Variants in LRRC4C observed in about 807,000 individuals in gnomAD.
LRRC4C encodes the protein leucine-rich repeat-containing protein 4C.
LRRC4C carries 5 observed loss-of-function variants against 33.6 expected under a neutral mutation model. The ratio of observed to expected loss-of-function variants is 0.15; its 90% CI spans 0.08 to 0.31. The LOEUF (loss-of-function observed/expected upper bound fraction) is 0.31. Among genes scored for constraint, LRRC4C ranks in the 10% least tolerant of loss-of-function variants. The pLI, the probability that LRRC4C is intolerant of heterozygous loss-of-function variation, is 1.00. For synonymous variants in LRRC4C, 329 were observed against 302.0 expected (o/e 1.09, Z -0.93); for missense variants, 560 against 796.7 (o/e 0.70, Z 3.58).
At chr11:41,232,747 G>GAT (rs1555118095) in intron 1 of LRRC4C, among the ~76,000 whole-genome samples, 2 of 143,542 alleles carry the variant, frequency 1.4e-5, no homozygotes, top group Admixed American at 7.1e-5. Context: ...GTGTTATCAA[G>GAT]ACACACACAC....
intron 2 of LRRC4C, among the ~76,000 whole-genome samples, chr11:40,649,175 G>A (rs1392904844): frequency 1.3e-5 from 2 of 152,112 alleles, no homozygotes; most frequent in Non-Finnish European, 2.9e-5. Context: ...GAACTGGTCT[G>A]ACCAAAAATT....
intron 1 of LRRC4C, among the ~76,000 whole-genome samples, chr11:41,396,240 G>A (rs1426969646): frequency 2.0e-5 from 3 of 152,006 alleles, no homozygotes; most frequent in Non-Finnish European, 4.4e-5. Context: ...AAGTAGTAAA[G>A]AGAAAATGAG....
At chr11:40,808,760 G>C (rs1951356464) in intron 2 of LRRC4C, among the ~76,000 whole-genome samples, 1 of 152,028 alleles carries the variant, frequency 6.6e-6, no homozygotes, top group African/African-American at 2.4e-5. Flanking sequence ...AATTTCCAAA[G>C]TCTCTTTCTT....
At chr11:40,268,648 T>G (rs1463257163) in intron 4 of LRRC4C, among the ~76,000 whole-genome samples, 1 of 151,844 alleles carries the variant, frequency 6.6e-6, no homozygotes, top group Admixed American at 6.6e-5. Context: ...ACCGTAGCAC[T>G]GGTAAAAAAA....
intron 3 of LRRC4C, among the ~76,000 whole-genome samples, chr11:40,599,884 G>T (rs574382897): frequency 1.3e-5 from 2 of 152,288 alleles, no homozygotes; most frequent in South Asian, 4.1e-4. Context: ...TGTGGTCCAT[G>T]TCAAATATCC....
chr11:40,659,839 T>G (rs1943334027), intron 2 of LRRC4C, among the ~76,000 whole-genome samples: 1 of 152,204 alleles, frequency 6.6e-6, no homozygotes, highest in Non-Finnish European at 1.5e-5. Context: ...CTCTCCACCT[T>G]GCTCACCCTC....
chr11:40,897,896 G>A (rs1424550277), intron 2 of LRRC4C, among the ~76,000 whole-genome samples: 2 of 152,238 alleles, frequency 1.3e-5, no homozygotes, highest in East Asian at 3.9e-4. Flanking sequence ...ATGCCATACC[G>A]CTCCCGTTGA....
At chr11:40,815,512 G>A (rs890307065) in intron 2 of LRRC4C, among the ~76,000 whole-genome samples, 2 of 152,092 alleles carry the variant, frequency 1.3e-5, no homozygotes, top group Non-Finnish European at 2.9e-5. Context: ...TTTTTACCTT[G>A]CAGGTCTTGG....
intron 1 of LRRC4C, among the ~76,000 whole-genome samples, chr11:41,146,910 A>G (rs1019571846): frequency 3.3e-5 from 5 of 152,240 alleles, no homozygotes; most frequent in Non-Finnish European, 5.9e-5. Context: ...ACTTAAACAC[A>G]TGAAAAATTC....
intron 3 of LRRC4C, among the ~76,000 whole-genome samples, chr11:40,546,748 C>T (rs1956941257): frequency 6.6e-6 from 1 of 152,092 alleles, no homozygotes; most frequent in Non-Finnish European, 1.5e-5. Context: ...TTCACATTCT[C>T]TCCAAATAAT....
chr11:40,127,001 C>T (rs1283303824), intron 6 of LRRC4C, among the ~76,000 whole-genome samples: 1 of 151,786 alleles, frequency 6.6e-6, no homozygotes, highest in Non-Finnish European at 1.5e-5. Flanking sequence ...AATTTGGGGC[C>T]AGGTGTAGTG....
intron 2 of LRRC4C, among the ~76,000 whole-genome samples, chr11:40,709,366 T>A: frequency 6.6e-6 from 1 of 152,190 alleles, no homozygotes; most frequent in Admixed American, 6.5e-5. Context: ...CCATGTTTAG[T>A]GCTTCCTTCA....
At chr11:40,340,287 C>T (rs1946809363) in intron 3 of LRRC4C, among the ~76,000 whole-genome samples, 1 of 152,036 alleles carries the variant, frequency 6.6e-6, no homozygotes, top group Admixed American at 6.6e-5. Context: ...ATGAGAAGTT[C>T]ACCAACAGGC....
chr11:40,981,418 A>G (rs1852529180), intron 1 of LRRC4C, among the ~76,000 whole-genome samples: 1 of 152,136 alleles, frequency 6.6e-6, no homozygotes, highest in African/African-American at 2.4e-5. Context: ...CGTCTCAAAA[A>G]AAAAAAAAAA....
chr11:41,173,113 T>C (rs551240294), intron 1 of LRRC4C, among the ~76,000 whole-genome samples: 24 of 152,288 alleles, frequency 1.6e-4, no homozygotes, highest in African/African-American at 5.8e-4. Flanking sequence ...AATAGTCTCC[T>C]GGACACCATT....
intron 3 of LRRC4C, among the ~76,000 whole-genome samples, chr11:40,403,260 C>T (rs1440576756): frequency 6.6e-6 from 1 of 151,994 alleles, no homozygotes; most frequent in Non-Finnish European, 1.5e-5. Flanking sequence ...AGCCTGTGGC[C>T]CCACAGCAAC....
chr11:40,884,717 A>G (rs1955354554), intron 2 of LRRC4C, among the ~76,000 whole-genome samples: 1 of 152,136 alleles, frequency 6.6e-6, no homozygotes, highest in Admixed American at 6.6e-5. Context: ...ATGATACTAT[A>G]GACTAGATGT....
rs542458760 is a variant in LRRC4C, at chr11:40,556,651, C to G, written c.-270+91491G>C. ...GATGATCTACCAGGCAGTTCTGGCT[C>G]TCTCTGGGGCTGTATCACTCTGCCA... On this transcript the variant is annotated intron_variant, in intron 3 of 6. Transcript: ENST00000528697. 2.6e-5 allele frequency among the ~76,000 whole-genome samples: 4 copies of G among 152,266 alleles called. No individual in the cohort carries two copies. In the South Asian group the frequency reaches 6.2e-4, roughly 24 times the overall value.
At chr11:40,620,443 C>A (rs1388355280) in intron 3 of LRRC4C, among the ~76,000 whole-genome samples, 2 of 151,656 alleles carry the variant, frequency 1.3e-5, no homozygotes, top group Non-Finnish European at 1.5e-5. Flanking sequence ...AGGAGGTAGA[C>A]CAGAAAGCAT....
Sources: allele counts gnomAD v4.1 joint callset (sites outside exome capture counted in the v4.1 genomes callset), GRCh38; gene constraint gnomAD v4.1.1; transcripts MANE v1.5; gene names NCBI Gene and HGNC (gene_info 2026-07-23, HGNC 2026-07-21).